Variants in HS3ST1 observed in about 807,000 individuals in gnomAD.
HS3ST1 encodes the protein heparan sulfate-glucosamine 3-sulfotransferase 1.
In HS3ST1, 8 loss-of-function variants were observed where a neutral mutation model predicts 20.7. The observed-to-expected ratio is 0.39, with a 90% CI of 0.23 to 0.70. The LOEUF is 0.70. Among genes scored for constraint, HS3ST1 ranks in the 30% least tolerant of loss-of-function variants. The pLI, the probability that HS3ST1 is intolerant of heterozygous loss-of-function variation, is 0.46. For missense variants in HS3ST1, 436 were observed against 423.4 expected, an observed-to-expected ratio of 1.03 and a Z score of -0.26; for synonymous variants, 205 against 190.4, an observed-to-expected ratio of 1.08 and a Z score of -0.63.
In HS3ST1 at chr4:11,396,690, G is replaced by T. The variant is rs1718154612; in HGVS notation, c.*2392C>A. ...TGTACCTTCTCAATGACTGGCTGGG[G>T]TTGTACCAAAAATGAATGAACAGAT... is the stretch of plus-strand genomic sequence containing the variant. On this transcript the variant is annotated 3_prime_UTR_variant, in exon 2 of 2. Coordinates refer to ENST00000002596, the MANE Select transcript of HS3ST1 (RefSeq NM_005114.4). 6.6e-6 allele frequency: 1 copy of T among 152,310 alleles called. No individual in the cohort carries two copies. Among genetic ancestry groups the T allele is most frequent in the South Asian group, 2.1e-4 (1 of 4,824 alleles). 9.4% of individuals were successfully genotyped at this position (152,310 alleles called of 1,614,324 possible).
rs959465386 is a variant in HS3ST1 at position 11,398,819 on chromosome 4, T to C, written c.*263A>G. ...TCCAGAAAAAATCTTTTTTTTTTTT[T>C]CAGTGAAATAGTTTAGTTCCTTCAT... On this transcript the variant is annotated 3_prime_UTR_variant, in exon 2 of 2. Transcript: ENST00000002596. 4 of 286,438 alleles carry C rather than the reference T, an allele frequency of 1.4e-5. No homozygotes were observed. Among genetic ancestry groups the C allele is most frequent in the South Asian group, 1.6e-4 (1 of 6,258 alleles). 17.7% of individuals were successfully genotyped at this position (286,438 alleles called of 1,614,324 possible).
chr4:11,419,868 A>G (rs1366279697), intron 1 of HS3ST1, among the ~76,000 whole-genome samples: 2 of 152,250 alleles, frequency 1.3e-5, no homozygotes, highest in South Asian at 2.1e-4. Flanking sequence ...CAGACACCGT[A>G]TAAGTGCATG....
chr4:11,426,364 C>CA (rs1553858480), intron 1 of HS3ST1, among the ~76,000 whole-genome samples: 2 of 43,158 alleles, frequency 4.6e-5, no homozygotes, highest in African/African-American at 3.1e-4. Context: ...CCTTCAGAGG[C>CA]CCCCCCCCCA....
intron 1 of HS3ST1, among the ~76,000 whole-genome samples, chr4:11,416,255 C>T (rs1454582362): frequency 6.6e-6 from 1 of 152,202 alleles, no homozygotes; most frequent in Non-Finnish European, 1.5e-5. Context: ...CACTTCCTAA[C>T]AACCATGACC....
upstream of HS3ST1, among the ~76,000 whole-genome samples, chr4:11,430,159 A>G (rs1719176903): frequency 6.6e-6 from 1 of 152,192 alleles, no homozygotes; most frequent in Admixed American, 6.5e-5. Flanking sequence ...AGTGACCAGT[A>G]TATTCTGTCT....
chr4:11,427,610 A>G (rs910814057), intron 1 of HS3ST1, among the ~76,000 whole-genome samples: 1 of 152,226 alleles, frequency 6.6e-6, no homozygotes, highest in African/African-American at 2.4e-5. Context: ...AGGCGAGGCA[A>G]GGGTACCACT....
Position 11,393,299 on chromosome 4 carries a change from T to C in HS3ST1, c.*5783A>G, listed in dbSNP as rs1718052225. ...TTGATGCATTATACTATTTTGGTAG[T>C]CCGATAAGCTAATAAAAGAGCCTAC... On this transcript the variant is annotated 3_prime_UTR_variant, in exon 2 of 2. Transcript: ENST00000002596. 1 of 152,252 alleles carries C rather than the reference T, an allele frequency of 6.6e-6. No homozygotes were observed. The highest frequency in any genetic ancestry group is 2.1e-4 in the South Asian group (1 of 4,834). 9.4% of individuals were successfully genotyped at this position (152,252 alleles called of 1,614,324 possible). A position where few individuals can be genotyped will look rare whatever the true frequency, so the allele number is the denominator to read the frequency against.
Position 11,399,944 on chromosome 4 carries a change from C to A in HS3ST1, c.62G>T (p.Arg21Leu). Residue 21 changes from arginine to leucine, a missense_variant, in exon 2 of 2, where the codon CGC becomes CTC. Physicochemically the swap from Arg to Leu is moderately radical, Grantham distance 102. Coordinates refer to ENST00000002596, the MANE Select transcript of HS3ST1 (RefSeq NM_005114.4). This position sits in a 1 kb window ranked among gnomAD's most constrained non-coding sequence, Gnocchi z 5.1. ...LVAQPQLVPS[R>L]PAELGQQELL... ...CTCCTGCTGGCCTAGCTCGGCGGGG[C>A]GGGAAGGCACTAGCTGGGGCTGGGC... 3 of 1,571,238 alleles carry A rather than the reference C, an allele frequency of 1.9e-6. No homozygotes were observed. The highest frequency in any genetic ancestry group is 2.6e-6 in the Non-Finnish European group (3 of 1,162,530).
chr4:11,432,245 G>T (rs1021799221), upstream of HS3ST1, among the ~76,000 whole-genome samples: 1 of 152,054 alleles, frequency 6.6e-6, no homozygotes, highest in Non-Finnish European at 1.5e-5. Context: ...GACTCAATGG[G>T]GTTTTATTTG....
chr4:11,410,337 C>A (rs958470743), intron 1 of HS3ST1, among the ~76,000 whole-genome samples: 6 of 152,186 alleles, frequency 3.9e-5, no homozygotes, highest in Non-Finnish European at 8.8e-5. Context: ...GGCAGAGGGT[C>A]AGGGAGGGCC....
chr4:11,400,055 G>A lies in HS3ST1; in HGVS notation c.-50C>T. On this transcript the variant is annotated 5_prime_UTR_variant, in exon 2 of 2. Coordinates refer to ENST00000002596, the MANE Select transcript of HS3ST1 (RefSeq NM_005114.4). The stretch of plus-strand genomic sequence containing the variant: ...GGGCCGCGCGCCGCTGGGTCATGAA[G>A]TGCCGCAGCAGGGAAGCCTCCTAGT... 1 of 1,441,052 alleles carries A rather than the reference G, an allele frequency of 6.9e-7. No homozygotes were observed. The highest frequency in any genetic ancestry group is 2.5e-5 in the East Asian group (1 of 39,882). 89.3% of individuals were successfully genotyped at this position (1,441,052 alleles called of 1,614,324 possible). A position where few individuals can be genotyped will look rare whatever the true frequency, so the allele number is the denominator to read the frequency against.
At chr4:11,420,234 A>G (rs1277075785) in intron 1 of HS3ST1, among the ~76,000 whole-genome samples, 1 of 152,256 alleles carries the variant, frequency 6.6e-6, no homozygotes, top group Non-Finnish European at 1.5e-5. Context: ...TGGAAAGACC[A>G]CACGCAACAA....
chr4:11,404,084 G>A (rs563123632), intron 1 of HS3ST1, among the ~76,000 whole-genome samples: 6 of 152,038 alleles, frequency 3.9e-5, no homozygotes, highest in East Asian at 3.9e-4. Flanking sequence ...TTCCTCTGTC[G>A]CCCAGGCTGG....
At chr4:11,403,201 G>A (rs1560232090) in intron 1 of HS3ST1, among the ~76,000 whole-genome samples, 2 of 152,182 alleles carry the variant, frequency 1.3e-5, no homozygotes, top group Admixed American at 6.5e-5. Flanking sequence ...GTTTGTGTGT[G>A]TAAATGTATG....
chr4:11,432,950 T>C (rs950394137), upstream of HS3ST1, among the ~76,000 whole-genome samples: 9 of 152,186 alleles, frequency 5.9e-5, no homozygotes, highest in African/African-American at 2.2e-4. Context: ...TGAGTGATTC[T>C]TTTCTGAAAA....
rs143151876 is a variant in HS3ST1 at position 11,424,379 on chromosome 4, A to T, written c.-109+4320T>A. On this transcript the variant is annotated intron_variant, in intron 1 of 1. Transcript: ENST00000002596. ...CTATTGACAAACTACGGCCCAGTAG[A>T]TATTATTCTAACGATCTGAAAAAGC... Among the ~76,000 whole-genome samples, 1,201 of 152,326 alleles carry T rather than the reference A, an allele frequency of 7.9e-3. 11 individuals carry two copies. Among genetic ancestry groups the T allele is most frequent in the Admixed American group, 0.017 (267 of 15,308 alleles).
At chr4:11,424,821 C>T (rs963744480) in intron 1 of HS3ST1, among the ~76,000 whole-genome samples, 2 of 149,438 alleles carry the variant, frequency 1.3e-5, no homozygotes, top group African/African-American at 5.0e-5. Context: ...TAGTTCAGGG[C>T]TGGGAGATAT....
chr4:11,408,696 C>T (rs1477411225), intron 1 of HS3ST1, among the ~76,000 whole-genome samples: 1 of 152,252 alleles, frequency 6.6e-6, no homozygotes, highest in Non-Finnish European at 1.5e-5. Flanking sequence ...CACACTGGCT[C>T]AGGCACTGTG....
chr4:11,423,053 C>T (rs944749607), intron 1 of HS3ST1, among the ~76,000 whole-genome samples: 2 of 91,390 alleles, frequency 2.2e-5, no homozygotes, highest in African/African-American at 1.0e-4. Flanking sequence ...AAAAAAAGTG[C>T]TGAACGTCAG....
Sources: allele counts gnomAD v4.1 joint callset (sites outside exome capture counted in the v4.1 genomes callset), GRCh38; gene constraint gnomAD v4.1.1; non-coding constraint Gnocchi (gnomAD v3.1); transcripts MANE v1.5; gene names NCBI Gene and HGNC (gene_info 2026-07-23, HGNC 2026-07-21).